Variants in SHROOM4 observed in about 807,000 individuals in gnomAD.
The protein encoded by SHROOM4 is shroom family member 4.
A neutral mutation model predicts 80.3 loss-of-function variants in SHROOM4; 17 were observed. The observed-to-expected ratio is 0.21, with a 90% CI of 0.14 to 0.32. SHROOM4 has a LOEUF of 0.32. SHROOM4 is among the 10% of genes least tolerant of loss of function. SHROOM4 has a pLI of 1.00. For synonymous variants in SHROOM4, 400 were observed against 437.5 expected (o/e 0.91, Z 1.07); for missense variants, 993 against 1,140.3 (o/e 0.87, Z 1.86).
At chrX:50,578,048 C>G in the SHROOM4 span, among the ~76,000 whole-genome samples, 1 of 111,887 alleles carries the variant, frequency 8.9e-6, no homozygotes, top group Non-Finnish European at 1.9e-5. Context: ...CACAATGAGG[C>G]TGACATAGAC....
At chrX:50,789,697 A>C (rs1369909445) in intron 1 of SHROOM4, among the ~76,000 whole-genome samples, 1 of 112,500 alleles carries the variant, frequency 8.9e-6, no homozygotes, top group Non-Finnish European at 1.9e-5. Flanking sequence ...AAGATCAACA[A>C]AATGAAGTGT....
At chrX:50,597,364 G>T (rs1557246866) in intron 8 of SHROOM4, among the ~76,000 whole-genome samples, 1 of 111,777 alleles carries the variant, frequency 8.9e-6, no homozygotes, top group African/African-American at 3.3e-5. Flanking sequence ...ATGTGTGAGT[G>T]TATGTGTCTG....
Position 50,638,566 on chromosome X carries a change from T to C in SHROOM4, c.270-258A>G, listed in dbSNP as rs184480869. ...ACGTATCACAGTGCTGGACACATAG[T>C]AGATGTTCAATAAATATTTGTGGAA... is the stretch of plus-strand genomic sequence containing the variant. On this transcript the variant is annotated intron_variant, in intron 2 of 8. Transcript: ENST00000376020. Among the ~76,000 whole-genome samples, 437 of 112,225 alleles carry C rather than the reference T, an allele frequency of 3.9e-3. 4 individuals are homozygous for C. Among genetic ancestry groups the C allele is most frequent in the African/African-American group, 0.013 (406 of 30,864 alleles).
chrX:50,674,540 G>C (rs1377461119), intron 2 of SHROOM4, among the ~76,000 whole-genome samples: 1 of 111,308 alleles, frequency 9.0e-6, no homozygotes, highest in Non-Finnish European at 1.9e-5. Flanking sequence ...AACAAACCTC[G>C]ACCTAAGTCT....
At chrX:50,680,521 T>C (rs1932919101) in intron 2 of SHROOM4, among the ~76,000 whole-genome samples, 1 of 111,306 alleles carries the variant, frequency 9.0e-6, no homozygotes, top group African/African-American at 3.3e-5. Flanking sequence ...TATAAATTAA[T>C]ATGCATGTAT....
At position 50,587,038 on chromosome X, in the gene SHROOM4, G is replaced by C. The variant is rs782142518; in HGVS notation, c.*9657C>G. Reference sequence around the variant, plus strand: ...TCTCTAGATTTATACATCTTATGTAGCTGCAACTTTGTAGCTTTGACCAAC... The same window carrying C: ...TCTCTAGATTTATACATCTTATGTACCTGCAACTTTGTAGCTTTGACCAAC... On this transcript the variant is annotated 3_prime_UTR_variant, in exon 9 of 9. Coordinates refer to ENST00000376020, the MANE Select transcript of SHROOM4 (RefSeq NM_020717.5). Among the ~76,000 whole-genome samples, 4 of 111,655 alleles carry C rather than the reference G, an allele frequency of 3.6e-5. No individual in the cohort carries two copies. Among genetic ancestry groups the C allele is most frequent in the Non-Finnish European group, 5.6e-5 (3 of 53,112 alleles).
At chrX:50,623,165 A>ATTTTTAAACATCTTCC (rs1930645632) in intron 5 of SHROOM4, among the ~76,000 whole-genome samples, 1 of 111,637 alleles carries the variant, frequency 9.0e-6, no homozygotes, top group Non-Finnish European at 1.9e-5. Flanking sequence ...CTAATTTACT[A>ATTTTTAAACATCTTCC]TTTTTAAACA....
intron 1 of SHROOM4, among the ~76,000 whole-genome samples, chrX:50,703,471 G>A (rs1289672366): frequency 9.0e-6 from 1 of 111,598 alleles, no homozygotes; most frequent in African/African-American, 3.3e-5. Flanking sequence ...CTTTCCTCAG[G>A]CACCATTACT....
chrX:50,801,261 G>GGAGAGAGAGAGAGAGAGAGA (rs781878531), intron 1 of SHROOM4, among the ~76,000 whole-genome samples: 1,021 of 81,458 alleles, frequency 0.013, 22 homozygotes, highest in Non-Finnish European at 0.014. Context: ...GAGAGAAAGA[G>GGAGAGAGAGAGAGAGAGAGA]GAGAGAGAGA....
downstream of SHROOM4, among the ~76,000 whole-genome samples, chrX:50,583,013 C>T (rs1023285591): frequency 2.3e-4 from 25 of 108,272 alleles, no homozygotes; most frequent in Non-Finnish European, 1.3e-4. Flanking sequence ...TATTTTTCAA[C>T]GGATTGACAG....
rs181058037 is a variant in SHROOM4, at chrX:50,753,971, A to G, written c.118-58034T>C. Among the ~76,000 whole-genome samples, 418 of 111,907 alleles carry G rather than the reference A, an allele frequency of 3.7e-3. 2 individuals carry two copies. The highest frequency in any genetic ancestry group is 0.012 in the African/African-American group (364 of 30,843). Reference sequence around the variant, plus strand: ...GGCTAATTGTCTATTTCATAACGTTATTAATTTCATAAGGATTTAATGGGC... The same window carrying G: ...GGCTAATTGTCTATTTCATAACGTTGTTAATTTCATAAGGATTTAATGGGC... On this transcript the variant is annotated intron_variant, in intron 1 of 8. Coordinates refer to ENST00000376020, the MANE Select transcript of SHROOM4 (RefSeq NM_020717.5).
chrX:50,805,783 T>C (rs902423215), intron 1 of SHROOM4, among the ~76,000 whole-genome samples: 9 of 111,570 alleles, frequency 8.1e-5, no homozygotes, highest in Non-Finnish European at 1.5e-4. Context: ...AGCAAGTTGA[T>C]AAAAGAATAT....
In SHROOM4 at chrX:50,633,981, G is replaced by A. The variant is rs1931200983; in HGVS notation, c.2092C>T (p.Leu698=). The change falls in exon 4 of 9, where the codon CTG becomes TTG. Residue 698 remains leucine (L), a synonymous_variant. Coordinates refer to ENST00000376020, the MANE Select transcript of SHROOM4 (RefSeq NM_020717.5). The part of the protein sequence containing the change: ...GQRPGQSSLG[L]NTWWKAPDPS... ...TCAGGTGCTTTCCACCAGGTGTTCA[G>A]GCCCAAAGAGGACTGGCCAGGCCTC... The A allele has an allele frequency of 8.3e-7, 1 of 1,211,857 alleles. No homozygotes were observed. Among genetic ancestry groups the A allele is most frequent in the Non-Finnish European group, 1.1e-6 (1 of 895,470 alleles).
chrX:50,804,684 G>A (rs1468269717), intron 1 of SHROOM4, among the ~76,000 whole-genome samples: 2 of 111,785 alleles, frequency 1.8e-5, no homozygotes, highest in African/African-American at 6.5e-5. Flanking sequence ...TTAATATCTG[G>A]CCTCAAAGAG....
intron 2 of SHROOM4, among the ~76,000 whole-genome samples, chrX:50,644,894 A>G (rs782003850): frequency 2.9e-4 from 33 of 112,379 alleles, no homozygotes; most frequent in Non-Finnish European, 4.1e-4. Context: ...TGGTTTCCTC[A>G]TCTATAAAAC....
In SHROOM4 at chrX:50,595,574, C is replaced by G. The variant is rs1929073014; in HGVS notation, c.*1121G>C. ...GCTGGGGAATGCTAAACTCAAGTCA[C>G]TTAGACTTTAAGGGAAGCACAAGGC... On this transcript the variant is annotated 3_prime_UTR_variant, in exon 9 of 9. Coordinates refer to ENST00000376020, the MANE Select transcript of SHROOM4 (RefSeq NM_020717.5). 2 of 213,570 alleles carry G rather than the reference C, an allele frequency of 9.4e-6. No homozygotes were observed. The highest frequency in any genetic ancestry group is 1.2e-4 in the South Asian group (2 of 16,394). 17.6% of individuals were successfully genotyped at this position (213,570 alleles called of 1,213,427 possible).
chrX:50,647,948 T>C lies in SHROOM4; in HGVS notation c.270-9640A>G, dbSNP rs782041646. 1.4e-4 allele frequency among the ~76,000 whole-genome samples: 16 copies of C among 111,802 alleles called. No individual in the cohort carries two copies. In the Middle Eastern group the frequency reaches 0.018, roughly 128 times the overall value. The stretch of plus-strand genomic sequence containing the variant: ...GCAGTGGGAGATGATACTGGGGAGG[T>C]GCATAGGCCAGATCATGGAGTTTCC... On this transcript the variant is annotated intron_variant, in intron 2 of 8. Coordinates refer to ENST00000376020, the MANE Select transcript of SHROOM4 (RefSeq NM_020717.5).
At chrX:50,796,511 T>C (rs1936013366) in intron 1 of SHROOM4, among the ~76,000 whole-genome samples, 1 of 111,371 alleles carries the variant, frequency 9.0e-6, no homozygotes, top group African/African-American at 3.3e-5. Context: ...AGTTCTGGTC[T>C]AGAATGTCGG....
intron 1 of SHROOM4, among the ~76,000 whole-genome samples, chrX:50,712,128 G>T (rs1933834159): frequency 8.9e-6 from 1 of 112,347 alleles, no homozygotes; most frequent in South Asian, 3.7e-4. Flanking sequence ...CCTCTCCCCT[G>T]TGGGATCTGT....
Sources: allele counts gnomAD v4.1 joint callset (sites outside exome capture counted in the v4.1 genomes callset), GRCh38; gene constraint gnomAD v4.1.1; transcripts MANE v1.5; gene names NCBI Gene and HGNC (gene_info 2026-07-23, HGNC 2026-07-21).